XYLT1: variants seen among roughly 807,000 people sequenced by gnomAD.
The protein encoded by XYLT1 is beta-D-xylosyltransferase 1.
Under a neutral mutation model 91.3 loss-of-function variants are expected in XYLT1, and 36 were observed. The observed-to-expected ratio is 0.39, with a 90% CI of 0.30 to 0.52. The LOEUF is 0.52. Ranked by LOEUF, XYLT1 falls within the 20% of genes least tolerant of loss-of-function variation. The pLI is 0.68. For synonymous variants in XYLT1, 588 were observed against 532.0 expected, an observed-to-expected ratio of 1.11 and a Z score of -1.45; for missense variants, 1,242 against 1,284.5, an observed-to-expected ratio of 0.97 and a Z score of 0.51.
intron 1 of XYLT1, among the ~76,000 whole-genome samples, chr16:17,393,387 A>G (rs2035844567): frequency 6.6e-6 from 1 of 152,150 alleles, no homozygotes; most frequent in South Asian, 2.1e-4. Flanking sequence ...GTGGGCTTTT[A>G]GTGTATACCA....
intron 4 of XYLT1, 88 bp downstream of exon 4, chr16:17,200,394 G>A: frequency 6.6e-7 from 1 of 1,510,170 alleles, no homozygotes; most frequent in Non-Finnish European, 9.0e-7. Flanking sequence ...CAGGCAGTCT[G>A]GACTAGCAAT....
chr16:17,311,764 T>A (rs1267136131), intron 2 of XYLT1, among the ~76,000 whole-genome samples: 2 of 149,412 alleles, frequency 1.3e-5, no homozygotes, highest in Admixed American at 6.7e-5. Flanking sequence ...TTTAATGAAC[T>A]CACAGTTCCA....
intron 3 of XYLT1, among the ~76,000 whole-genome samples, chr16:17,218,840 G>A (rs2032908725): frequency 6.6e-6 from 1 of 152,170 alleles, no homozygotes; most frequent in Non-Finnish European, 1.5e-5. Flanking sequence ...TACCTCCCAA[G>A]CATGTGCCAG....
chr16:17,358,321 G>A (rs116152961), intron 1 of XYLT1, among the ~76,000 whole-genome samples: 1,665 of 152,024 alleles, frequency 0.011, 39 homozygotes, highest in African/African-American at 0.038. Flanking sequence ...TATTTTTGTA[G>A]AGATGGGGTC....
At chr16:17,420,618 A>G (rs1348586556) in intron 1 of XYLT1, among the ~76,000 whole-genome samples, 2 of 152,050 alleles carry the variant, frequency 1.3e-5, no homozygotes, top group African/African-American at 4.8e-5. Flanking sequence ...TTAATATGCA[A>G]CCTCTCTTCC....
At chr16:17,379,363 G>A (rs1319468449) in intron 1 of XYLT1, among the ~76,000 whole-genome samples, 1 of 152,192 alleles carries the variant, frequency 6.6e-6, no homozygotes, top group Non-Finnish European at 1.5e-5. Flanking sequence ...TCCAACATCT[G>A]ACAGGCGGCT....
chr16:17,395,736 G>A (rs559881695), intron 1 of XYLT1, among the ~76,000 whole-genome samples: 22 of 152,266 alleles, frequency 1.4e-4, no homozygotes, highest in South Asian at 6.2e-4. Context: ...GATTCTCATC[G>A]GGGACTCCTT....
chr16:17,375,268 A>C (rs1203237962), intron 1 of XYLT1, among the ~76,000 whole-genome samples: 5 of 152,126 alleles, frequency 3.3e-5, no homozygotes, highest in Admixed American at 3.3e-4. Context: ...CATCTCTATG[A>C]AGTACATACT....
chr16:17,133,895 G>T (rs1183082791), intron 9 of XYLT1, among the ~76,000 whole-genome samples: 1 of 152,144 alleles, frequency 6.6e-6, no homozygotes, highest in Non-Finnish European at 1.5e-5. Context: ...ATATTTTTAG[G>T]TGTGATGACA....
chr16:17,441,943 AC>A lies in XYLT1; in HGVS notation c.363+28490del, dbSNP rs200980573. Among the ~76,000 whole-genome samples the A allele has an allele frequency of 7.7e-3, 1,168 of 152,272 alleles. 8 individuals are homozygous for A. The highest frequency in any genetic ancestry group is 0.031 in the Middle Eastern group (9 of 294). ...TATCAACTTGATGTGGCCACAGAGT[AC>A]CCAGATAGTCAGTCAGACATTCTTC... On this transcript the variant is annotated intron_variant, in intron 1 of 11. Coordinates refer to ENST00000261381, the MANE Select transcript of XYLT1 (RefSeq NM_022166.4).
At chr16:17,334,535 A>G (rs935250000) in intron 2 of XYLT1, among the ~76,000 whole-genome samples, 8 of 149,858 alleles carry the variant, frequency 5.3e-5, no homozygotes, top group Non-Finnish European at 1.0e-4. Context: ...AAAAAAAAAA[A>G]GGAAATTATT....
chr16:17,310,950 G>A (rs1384554138), intron 2 of XYLT1, among the ~76,000 whole-genome samples: 2 of 152,152 alleles, frequency 1.3e-5, no homozygotes, highest in African/African-American at 4.8e-5. Flanking sequence ...TCCATTCCCA[G>A]ACACCATTAG....
chr16:17,336,174 G>A (rs1013713196), intron 2 of XYLT1, among the ~76,000 whole-genome samples: 2 of 152,206 alleles, frequency 1.3e-5, no homozygotes, highest in Non-Finnish European at 2.9e-5. Context: ...TTAAATCACC[G>A]AAGCACATTC....
intron 11 of XYLT1, among the ~76,000 whole-genome samples, chr16:17,110,518 C>T (rs1201731528): frequency 6.6e-6 from 1 of 151,926 alleles, no homozygotes; most frequent in Non-Finnish European, 1.5e-5. Flanking sequence ...CCTTTGCCTT[C>T]CATCATGATG....
At chr16:17,253,291 A>G (rs1473053514) in intron 3 of XYLT1, among the ~76,000 whole-genome samples, 1 of 152,192 alleles carries the variant, frequency 6.6e-6, no homozygotes, top group Admixed American at 6.5e-5. Flanking sequence ...TAGCAAATTA[A>G]AGCGTCGCTG....
chr16:17,177,646 C>T (rs1405063203), intron 5 of XYLT1, among the ~76,000 whole-genome samples: 2 of 152,130 alleles, frequency 1.3e-5, no homozygotes. Flanking sequence ...ATGTATTTTG[C>T]GGACACCACC....
At chr16:17,228,578 C>T (rs921790486) in intron 3 of XYLT1, among the ~76,000 whole-genome samples, 2 of 152,004 alleles carry the variant, frequency 1.3e-5, no homozygotes, top group Admixed American at 6.5e-5. Flanking sequence ...TCCTCATCAG[C>T]GAGGCTTGTG....
At chr16:17,445,062 C>G (rs1284797265) in intron 1 of XYLT1, among the ~76,000 whole-genome samples, 1 of 152,188 alleles carries the variant, frequency 6.6e-6, no homozygotes, top group Admixed American at 6.5e-5. Context: ...TGCAGTAGCA[C>G]GATCTCAGCT....
At chr16:17,120,845 C>T (rs1407405784) in intron 10 of XYLT1, among the ~76,000 whole-genome samples, 1 of 151,988 alleles carries the variant, frequency 6.6e-6, no homozygotes, top group African/African-American at 2.4e-5. Flanking sequence ...TATTGAGCAC[C>T]TATTGTCTAT....
Sources: gnomAD v4.1 joint callset for allele counts (sites outside exome capture counted in the v4.1 genomes callset) on GRCh38, gnomAD v4.1.1 for gene constraint, MANE v1.5 for transcripts, NCBI Gene and HGNC (gene_info 2026-07-23, HGNC 2026-07-21) for gene names.